Variants in RBMS1 observed in about 807,000 individuals in gnomAD.
The protein encoded by RBMS1 is RNA binding motif single stranded interacting protein 1, also known as RNA-binding motif, single-stranded-interacting protein 1.
In RBMS1, 17 loss-of-function variants were observed where a neutral mutation model predicts 62.3. The observed-to-expected ratio is 0.27, with a 90% CI of 0.19 to 0.41. RBMS1 has a LOEUF of 0.41. Among genes scored for constraint, RBMS1 ranks in the 10% least tolerant of loss-of-function variants. The pLI is 1.00. For missense variants in RBMS1, 334 were observed against 504.5 expected, an observed-to-expected ratio of 0.66 and a Z score of 3.24; for synonymous variants, 172 against 170.0, an observed-to-expected ratio of 1.01 and a Z score of -0.09.
At chr2:160,301,762 C>T (rs1420513001) in intron 5 of RBMS1, among the ~76,000 whole-genome samples, 1 of 152,216 alleles carries the variant, frequency 6.6e-6, no homozygotes, top group Non-Finnish European at 1.5e-5. Flanking sequence ...GTACTAGCCC[C>T]TGCTTCATTA....
intron 1 of RBMS1, among the ~76,000 whole-genome samples, chr2:160,480,639 T>G (rs980664971): frequency 1.3e-5 from 2 of 152,226 alleles, no homozygotes; most frequent in Admixed American, 1.3e-4. Context: ...CCCCAATTGA[T>G]GTATAGATTT....
chr2:160,385,751 G>A (rs1474536450), intron 1 of RBMS1, among the ~76,000 whole-genome samples: 2 of 152,210 alleles, frequency 1.3e-5, no homozygotes, highest in African/African-American at 4.8e-5. Flanking sequence ...ACAGAGAGAA[G>A]AGAATGCAAA....
intron 9 of RBMS1, chr2:160,284,092 C>G (rs77450418): frequency 0.018 from 2,738 of 152,318 alleles, 31 homozygotes; most frequent in Non-Finnish European, 0.027. Context: ...GGAAGTAATC[C>G]TGTTAGAGGT....
At chr2:160,318,906 A>C (rs1474237645) in intron 2 of RBMS1, among the ~76,000 whole-genome samples, 1 of 152,236 alleles carries the variant, frequency 6.6e-6, no homozygotes, top group East Asian at 1.9e-4. Flanking sequence ...GAAACGGACA[A>C]TCAAGAATAT....
intron 2 of RBMS1, among the ~76,000 whole-genome samples, chr2:160,363,584 G>A (rs1204703309): frequency 6.6e-6 from 1 of 152,048 alleles, no homozygotes; most frequent in Non-Finnish European, 1.5e-5. Context: ...GGCTGGAGAA[G>A]AAGGAAGAAG....
chr2:160,367,813 C>G (rs1693494370), intron 1 of RBMS1, among the ~76,000 whole-genome samples: 1 of 152,022 alleles, frequency 6.6e-6, no homozygotes, highest in Admixed American at 6.5e-5. Flanking sequence ...TAGGATGACT[C>G]TTAAAAAAAA....
At chr2:160,310,020 T>A (rs1477751799) in intron 4 of RBMS1, among the ~76,000 whole-genome samples, 1 of 152,188 alleles carries the variant, frequency 6.6e-6, no homozygotes, top group Non-Finnish European at 1.5e-5. Flanking sequence ...CTTAACATCA[T>A]AATCTGTTCC....
At chr2:160,439,182 C>T (rs1263504067) in intron 1 of RBMS1, among the ~76,000 whole-genome samples, 2 of 150,946 alleles carry the variant, frequency 1.3e-5, no homozygotes, top group Non-Finnish European at 3.0e-5. Flanking sequence ...GGCGGCTGGC[C>T]GGACGGGGGG....
intron 1 of RBMS1, among the ~76,000 whole-genome samples, chr2:160,474,141 A>G (rs769371084): frequency 2.6e-5 from 4 of 152,150 alleles, no homozygotes; most frequent in Admixed American, 1.3e-4. Context: ...TATTATTCAA[A>G]TTTGAAAAAT....
At chr2:160,406,991 G>A (rs905266074) in intron 1 of RBMS1, among the ~76,000 whole-genome samples, 2 of 151,692 alleles carry the variant, frequency 1.3e-5, no homozygotes, top group African/African-American at 4.8e-5. Context: ...CTTTAAATGA[G>A]GGGGGCGCGC....
At chr2:160,410,684 A>G (rs1695990390) in intron 1 of RBMS1, among the ~76,000 whole-genome samples, 1 of 152,236 alleles carries the variant, frequency 6.6e-6, no homozygotes, top group Non-Finnish European at 1.5e-5. Context: ...AAAACAGTCC[A>G]GAGAGACTGC....
intron 1 of RBMS1, among the ~76,000 whole-genome samples, chr2:160,426,272 A>AGAAAGAAAGAAAGGAAG (rs1553522559): frequency 2.4e-5 from 3 of 127,328 alleles, no homozygotes; most frequent in Non-Finnish European, 1.7e-5. Flanking sequence ...AAAGAAAGAA[A>AGAAAGAAAGAAAGGAAG]GAAAGAAAGA....
intron 1 of RBMS1, chr2:160,432,231 T>C (rs1682927277): frequency 6.6e-6 from 1 of 152,116 alleles, no homozygotes; most frequent in South Asian, 2.1e-4. Context: ...CAGACTCTGA[T>C]CCAGTAATAT....
intron 1 of RBMS1, among the ~76,000 whole-genome samples, chr2:160,397,410 G>A (rs557347096): frequency 2.0e-5 from 3 of 152,042 alleles, no homozygotes; most frequent in Non-Finnish European, 4.4e-5. Context: ...CTGTCAGGAA[G>A]ACTTCTGAGG....
chr2:160,395,890 T>C (rs532311685), intron 1 of RBMS1, among the ~76,000 whole-genome samples: 2 of 152,264 alleles, frequency 1.3e-5, no homozygotes, highest in African/African-American at 4.8e-5. Flanking sequence ...ACCGTAGGCT[T>C]TCCTTGACCC....
In RBMS1 at chr2:160,460,471, T is replaced by A. The variant is rs567757911; in HGVS notation, c.75+32818A>T. Among the ~76,000 whole-genome samples, 9 of 152,220 alleles carry A rather than the reference T, an allele frequency of 5.9e-5. 1 individual carries two copies. The highest frequency in any genetic ancestry group is 8.8e-5 in the Non-Finnish European group (6 of 68,040). ...CTGTGGTTCAGAGAGACTAGCAGTC[T>A]CACGTAAGGTCACGCAGGACAACTG... is the stretch of plus-strand genomic sequence containing the variant. On this transcript the variant is annotated intron_variant, in intron 1 of 13. Coordinates refer to ENST00000348849, the MANE Select transcript of RBMS1 (RefSeq NM_016836.4).
At chr2:160,294,018 A>C (rs1688812202) in intron 6 of RBMS1, among the ~76,000 whole-genome samples, 3 of 152,200 alleles carry the variant, frequency 2.0e-5, no homozygotes, top group African/African-American at 7.2e-5. Context: ...GTTGTGGAAA[A>C]ACTCGATGGA....
chr2:160,471,935 C>T (rs1443270384), intron 1 of RBMS1, among the ~76,000 whole-genome samples: 1 of 151,836 alleles, frequency 6.6e-6, no homozygotes, highest in African/African-American at 2.4e-5. Context: ...TACACTAGCA[C>T]TCAATCATTC....
intron 1 of RBMS1, among the ~76,000 whole-genome samples, chr2:160,384,992 TCTCTCTTGCTCC>T (rs1694492644): frequency 6.6e-6 from 1 of 152,106 alleles, no homozygotes; most frequent in Admixed American, 6.5e-5. Context: ...TTTCCCTCTC[TCTCTCTTGCTCC>T]CTCTCTTGCC....
Sources: allele counts gnomAD v4.1 joint callset (sites outside exome capture counted in the v4.1 genomes callset), GRCh38; gene constraint gnomAD v4.1.1; transcripts MANE v1.5; gene names NCBI Gene and HGNC (gene_info 2026-07-23, HGNC 2026-07-21).